SEL1L2: variants seen among roughly 807,000 people sequenced by gnomAD.
SEL1L2 encodes protein sel-1 homolog 2.
A neutral mutation model predicts 98.8 loss-of-function variants in SEL1L2; 89 were observed. The ratio of observed to expected loss-of-function variants is 0.90; its 90% CI spans 0.76 to 1.07. SEL1L2 has a LOEUF of 1.07. Among genes scored for constraint, SEL1L2 ranks in the 50% least tolerant of loss-of-function variants. The pLI is 0.00. For synonymous variants in SEL1L2, 262 were observed against 278.5 expected (o/e 0.94, Z 0.59); for missense variants, 788 against 812.0 (o/e 0.97, Z 0.36).
At chr20:13,888,763 C>T (rs1422641226) in intron 5 of SEL1L2, among the ~76,000 whole-genome samples, 3 of 148,096 alleles carry the variant, frequency 2.0e-5, no homozygotes, top group African/African-American at 7.4e-5. Context: ...CTCAGTCTCT[C>T]GAGTAGCTGG....
At chr20:13,884,325 A>G (rs151073363) in intron 10 of SEL1L2, among the ~76,000 whole-genome samples, 2 of 152,094 alleles carry the variant, frequency 1.3e-5, no homozygotes, top group South Asian at 2.1e-4. Context: ...AAAAAAATCC[A>G]GTTACTTCCC....
chr20:13,873,390 T>G (rs1461348936), intron 12 of SEL1L2, among the ~76,000 whole-genome samples: 10 of 151,776 alleles, frequency 6.6e-5, no homozygotes, highest in East Asian at 1.9e-4. Context: ...TGAGACAGAG[T>G]CTTGCTCTGT....
intron 12 of SEL1L2, among the ~76,000 whole-genome samples, chr20:13,871,882 A>C (rs945357804): frequency 3.9e-5 from 6 of 152,182 alleles, no homozygotes; most frequent in Non-Finnish European, 5.9e-5. Context: ...GCAGGAACTT[A>C]TGTTCTAATA....
intron 10 of SEL1L2, among the ~76,000 whole-genome samples, 173 bp from the exon 11 acceptor site, chr20:13,877,761 T>C (rs889180383): frequency 4.6e-5 from 7 of 152,222 alleles, no homozygotes; most frequent in South Asian, 2.1e-4. Flanking sequence ...TCCAACCAAA[T>C]GCATTTTCAA....
intron 17 of SEL1L2, among the ~76,000 whole-genome samples, chr20:13,864,347 A>G (rs1990655097): frequency 6.6e-6 from 1 of 152,186 alleles, no homozygotes; most frequent in African/African-American, 2.4e-5. Flanking sequence ...CTTCCTGTGA[A>G]AAGGGATGAT....
chr20:13,876,465 A>G lies in SEL1L2; in HGVS notation c.1027-350T>C, dbSNP rs2046437587. On this transcript the variant is annotated intron_variant, in intron 11 of 19. Transcript: ENST00000284951. ...CTGTATGTTGCACTTAGGAAGCAGG[A>G]CATTCGTCCCTATGGTTACTAATGC... is the stretch of plus-strand genomic sequence containing the variant. Among the ~76,000 whole-genome samples, 6 of 143,224 alleles carry G rather than the reference A, an allele frequency of 4.2e-5. No homozygotes were observed. In the South Asian group the frequency reaches 1.3e-3, roughly 31 times the overall value. 94.0% of individuals were successfully genotyped at this position (143,224 alleles called of 152,430 possible). A position where few individuals can be genotyped will look rare whatever the true frequency, so the allele number is the denominator to read the frequency against.
intron 12 of SEL1L2, among the ~76,000 whole-genome samples, chr20:13,872,068 T>C (rs986718850): frequency 2.6e-5 from 4 of 152,192 alleles, no homozygotes; most frequent in African/African-American, 9.7e-5. Context: ...TAAGGGTTCT[T>C]AAGGACAGTC....
chr20:13,923,405 G>A (rs2048744235), intron 3 of SEL1L2, among the ~76,000 whole-genome samples: 1 of 152,150 alleles, frequency 6.6e-6, no homozygotes, highest in African/African-American at 2.4e-5. Flanking sequence ...CTCAGTTTAT[G>A]TTGAAACTTG....
At chr20:13,967,049 T>A (rs542678976) in intron 1 of SEL1L2, among the ~76,000 whole-genome samples, 2 of 152,120 alleles carry the variant, frequency 1.3e-5, no homozygotes, top group African/African-American at 4.8e-5. Flanking sequence ...GCCCAGCTAA[T>A]TTTTGTATTT....
chr20:13,968,958 T>C lies in SEL1L2; in HGVS notation c.59-12827A>G, dbSNP rs188936679. 7.2e-5 allele frequency among the ~76,000 whole-genome samples: 11 copies of C among 152,348 alleles called. No individual in the cohort carries two copies. In the East Asian group the frequency reaches 1.2e-3, roughly 16 times the overall value. On this transcript the variant is annotated intron_variant, in intron 1 of 19. Transcript: ENST00000284951. ...GGATATATTGACTTAGTTAATTCTA[T>C]TCATACAAAGTATGAAGGCTTTGTT...
intron 1 of SEL1L2, among the ~76,000 whole-genome samples, chr20:13,962,517 A>T (rs751952059): frequency 2.0e-5 from 3 of 152,164 alleles, no homozygotes; most frequent in Non-Finnish European, 4.4e-5. Flanking sequence ...GTGAGTCCAG[A>T]TGAGATCAGT....
intron 4 of SEL1L2, among the ~76,000 whole-genome samples, chr20:13,917,906 T>C (rs1465852671): frequency 6.9e-6 from 1 of 144,934 alleles, no homozygotes; most frequent in Non-Finnish European, 1.5e-5. Context: ...TTCAAGAAAT[T>C]CTCCTCCCTC....
In SEL1L2 at chr20:13,849,515, C is replaced by T; in HGVS notation, c.2037G>A (p.Leu679=). The T allele has an allele frequency of 5.6e-6, 9 of 1,614,086 alleles. No individual in the cohort carries two copies. Among genetic ancestry groups the T allele is most frequent in the Non-Finnish European group, 7.6e-6 (9 of 1,179,956 alleles). ...CATGGTGATTTCTAAGCAACAAAAT[C>T]AGCCCAGGAACAATGAGGCCAATCA... ...LFVIGLIVPG[L]ILLLRNHHG is the part of the protein sequence containing the mutation. The change falls in exon 20 of 20, where the codon CTG becomes CTA. Residue 679 remains leucine, a synonymous_variant. Transcript: ENST00000284951.
intron 2 of SEL1L2, among the ~76,000 whole-genome samples, chr20:13,943,394 C>T (rs749918337): frequency 1.3e-5 from 2 of 151,646 alleles, no homozygotes; most frequent in Non-Finnish European, 2.9e-5. Flanking sequence ...TATTTACATG[C>T]AAGGAGCAGA....
At chr20:13,948,283 C>A (rs2050109987) in intron 2 of SEL1L2, among the ~76,000 whole-genome samples, 1 of 151,402 alleles carries the variant, frequency 6.6e-6, no homozygotes. Context: ...CAAATGAAAT[C>A]TCAAGGGACT....
At chr20:13,882,534 C>T (rs2046752727) in intron 10 of SEL1L2, among the ~76,000 whole-genome samples, 1 of 152,196 alleles carries the variant, frequency 6.6e-6, no homozygotes, top group Admixed American at 6.5e-5. Context: ...CATGAGACCA[C>T]ATGGAGAGGG....
At chr20:13,896,052 G>A (rs1255245449) in intron 5 of SEL1L2, among the ~76,000 whole-genome samples, 1 of 152,200 alleles carries the variant, frequency 6.6e-6, no homozygotes, top group African/African-American at 2.4e-5. Context: ...GCAGGTGCCT[G>A]TAATTCCAGT....
chr20:13,899,565 G>C (rs925243863), intron 5 of SEL1L2, among the ~76,000 whole-genome samples: 3 of 152,178 alleles, frequency 2.0e-5, no homozygotes, highest in Non-Finnish European at 4.4e-5. Context: ...GCAGAGGGTG[G>C]AAGGGCAGAA....
intron 3 of SEL1L2, among the ~76,000 whole-genome samples, chr20:13,923,422 G>T (rs933323965): frequency 1.3e-5 from 2 of 152,106 alleles, no homozygotes; most frequent in African/African-American, 2.4e-5. Flanking sequence ...CTTGTTTTGT[G>T]GCCTTGTGTG....
Sources: allele counts gnomAD v4.1 joint callset (sites outside exome capture counted in the v4.1 genomes callset), GRCh38; gene constraint gnomAD v4.1.1; transcripts MANE v1.5; gene names NCBI Gene and HGNC (gene_info 2026-07-23, HGNC 2026-07-21).